Variants in GLDC observed in about 807,000 individuals in gnomAD.
GLDC encodes the protein glycine decarboxylase.
Under a neutral mutation model 121.3 loss-of-function variants are expected in GLDC, and 104 were observed. The ratio of observed to expected loss-of-function variants is 0.86; its 90% CI spans 0.73 to 1.01. GLDC has a LOEUF of 1.01. GLDC is among the 50% of genes least tolerant of loss of function. The pLI, the probability that GLDC is intolerant of heterozygous loss-of-function variation, is 0.00. For synonymous variants in GLDC, 546 were observed against 480.6 expected, an observed-to-expected ratio of 1.14 and a Z score of -1.78; for missense variants, 1,429 against 1,306.6, an observed-to-expected ratio of 1.09 and a Z score of -1.44.
rs186614630 is a variant in GLDC at position 6,594,892 on chromosome 9, T to C, written c.1261+122A>G. 1.5e-4 allele frequency: 111 copies of C among 733,720 alleles called. No homozygotes were observed. The African/African-American group carries it at 1.6e-3, about 11-fold the overall frequency. 45.5% of individuals were successfully genotyped at this position (733,720 alleles called of 1,614,324 possible). On this transcript the variant is annotated intron_variant, in intron 9 of 24. Transcript: ENST00000321612. ...AATAATCATGGATGTTGAAAGTATTTTTCCTCGTTTCTCACTTGACTTTTA... is the reference window on the plus strand; with the variant it reads ...AATAATCATGGATGTTGAAAGTATTCTTCCTCGTTTCTCACTTGACTTTTA...
At chr9:6,586,827 G>T (rs1385918216) in intron 15 of GLDC, among the ~76,000 whole-genome samples, 1 of 152,148 alleles carries the variant, frequency 6.6e-6, no homozygotes, top group Non-Finnish European at 1.5e-5. Flanking sequence ...GCTTCATCTG[G>T]GAACACGCAT....
chr9:6,591,173 C>T (rs1048905921), intron 11 of GLDC, among the ~76,000 whole-genome samples: 1 of 152,190 alleles, frequency 6.6e-6, no homozygotes, highest in Non-Finnish European at 1.5e-5. Flanking sequence ...CAACTCATTA[C>T]ACTGAACTGC....
intron 20 of GLDC, among the ~76,000 whole-genome samples, chr9:6,552,591 C>G (rs1226377777): frequency 6.6e-6 from 1 of 152,146 alleles, no homozygotes; most frequent in Non-Finnish European, 1.5e-5. Context: ...ACAGAGTCCT[C>G]TGGAATGATT....
chr9:6,605,459 C>A lies in GLDC; in HGVS notation c.714-181G>T. The A allele has an allele frequency of 1.2e-5, 8 of 660,962 alleles. 1 individual carries two copies. In the Admixed American group the frequency reaches 1.5e-4, roughly 12 times the overall value. The allele number at this position is 660,962 out of a possible 1,614,324, so 40.9% of individuals were successfully genotyped here. On this transcript the variant is annotated intron_variant, in intron 5 of 24. Transcript: ENST00000321612. The stretch of plus-strand genomic sequence containing the variant: ...TAACTACATCACAGCAACTCAAGCG[C>A]ATCCAACAGCTCTGCTTCTGTTCCT...
chr9:6,601,996 G>C, intron 8 of GLDC, 113 bp downstream of exon 8: 3 of 737,024 alleles, frequency 4.1e-6, no homozygotes, highest in South Asian at 1.4e-5. Context: ...GCCATTTCTG[G>C]TGTGCTCACT....
chr9:6,583,663 G>A (rs1818212792), intron 15 of GLDC, among the ~76,000 whole-genome samples: 1 of 152,130 alleles, frequency 6.6e-6, no homozygotes, highest in South Asian at 2.1e-4. Context: ...GCAAAAGAAT[G>A]AGACCCTGTC....
At position 6,539,624 on chromosome 9, in the gene GLDC, T is replaced by C. The variant is rs1443205347; in HGVS notation, c.2665+427A>G. ...TCTTTCAAAATGCTTCAAAGAAAGT[T>C]GCATTTTCTTTGTGAAAACTACTAC... is the stretch of plus-strand genomic sequence containing the variant. On this transcript the variant is annotated intron_variant, in intron 22 of 24. Coordinates refer to ENST00000321612, the MANE Select transcript of GLDC (RefSeq NM_000170.3). Among the ~76,000 whole-genome samples, 11 of 152,310 alleles carry C rather than the reference T, an allele frequency of 7.2e-5. No individual in the cohort carries two copies. The East Asian group carries it at 1.5e-3, about 21-fold the overall frequency.
chr9:6,615,548 C>T (rs1482232052), intron 3 of GLDC, among the ~76,000 whole-genome samples: 2 of 150,682 alleles, frequency 1.3e-5, no homozygotes, highest in African/African-American at 2.4e-5. Flanking sequence ...CACCACTGTA[C>T]GCTAGTCCAG....
intron 21 of GLDC, among the ~76,000 whole-genome samples, chr9:6,542,885 C>CAA (rs5896153): frequency 4.2e-3 from 256 of 60,888 alleles, no homozygotes; most frequent in Non-Finnish European, 4.7e-3. Flanking sequence ...GACCTTTTCT[C>CAA]AAAAAAAAAA....
intron 15 of GLDC, chr9:6,568,851 G>GA (rs948821640): frequency 2.0e-5 from 3 of 151,732 alleles, no homozygotes; most frequent in African/African-American, 2.4e-5. Context: ...TCCACCTCAA[G>GA]AAAAAAAAGA....
At chr9:6,558,743 A>G in intron 16 of GLDC, 59 bp from the exon 17 acceptor site, 8 of 1,570,820 alleles carry the variant, frequency 5.1e-6, no homozygotes, top group Non-Finnish European at 5.3e-6. Flanking sequence ...ATGAATAATG[A>G]CAGAAAAGTA....
At chr9:6,555,079 A>AGGGCCACAG in intron 18 of GLDC, 1 of 457,170 alleles carries the variant, frequency 2.2e-6, no homozygotes, top group Non-Finnish European at 4.1e-6. Flanking sequence ...ACACACCACA[A>AGGGCCACAG]AGGGAGAGAA....
At chr9:6,627,247 G>A (rs1397333155) in intron 2 of GLDC, among the ~76,000 whole-genome samples, 1 of 129,462 alleles carries the variant, frequency 7.7e-6, no homozygotes, top group Non-Finnish European at 1.5e-5. Context: ...AGTGAGCCGA[G>A]ATCACGCCAC....
rs1817621957 is a variant in GLDC at position 6,556,008 on chromosome 9, C to A, written c.2202+145G>T. 9 of 657,126 alleles carry A rather than the reference C, an allele frequency of 1.4e-5. No homozygotes were observed. In the East Asian group the frequency reaches 2.4e-4, roughly 18 times the overall value. The allele number at this position is 657,126 out of a possible 1,614,324, so 40.7% of individuals were successfully genotyped here. A position where few individuals can be genotyped will look rare whatever the true frequency, so the allele number is the denominator to read the frequency against. On this transcript the variant is annotated intron_variant, in intron 18 of 24. Transcript: ENST00000321612. Reference sequence around the variant, plus strand: ...GCCAGGATAAGTGGCTTTCCAAGGCCATGAGAGATCAACAACCACCAGTGG... The same window carrying A: ...GCCAGGATAAGTGGCTTTCCAAGGCAATGAGAGATCAACAACCACCAGTGG...
At chr9:6,624,199 C>G (rs191850331) in intron 2 of GLDC, among the ~76,000 whole-genome samples, 1 of 152,282 alleles carries the variant, frequency 6.6e-6, no homozygotes, top group East Asian at 1.9e-4. Context: ...AGGAGTGTTA[C>G]AAGTTGAATT....
chr9:6,601,325 T>A (rs1818605991), intron 8 of GLDC, among the ~76,000 whole-genome samples: 1 of 152,074 alleles, frequency 6.6e-6, no homozygotes, highest in South Asian at 2.1e-4. Flanking sequence ...TAAGAGAGGG[T>A]GTCTCAACTG....
At chr9:6,553,595 T>A (rs1487583451) in intron 19 of GLDC, 86 bp from the exon 20 acceptor site, 5 of 1,353,980 alleles carry the variant, frequency 3.7e-6, no homozygotes, top group Non-Finnish European at 5.3e-6. Context: ...CCAGAAAGCC[T>A]TGTTCTTAGC....
chr9:6,535,006 T>A (rs1817092916), intron 23 of GLDC, among the ~76,000 whole-genome samples: 1 of 152,200 alleles, frequency 6.6e-6, no homozygotes, highest in South Asian at 2.1e-4. Flanking sequence ...CAGTAAAGTC[T>A]AATGAGCATT....
rs574000488 is a variant in GLDC at position 6,565,498 on chromosome 9, T to C, written c.1851-69A>G. ...CTTTCATTTACTCATTCAATATTTA[T>C]TGGGCCCTGGCCAGGGGTTCACCAG... is the stretch of plus-strand genomic sequence containing the variant. On this transcript the variant is annotated intron_variant, in intron 15 of 24. Transcript: ENST00000321612. 3.2e-5 allele frequency: 40 copies of C among 1,241,952 alleles called. No individual in the cohort carries two copies. The South Asian group carries it at 4.2e-4, about 13-fold the overall frequency. 76.9% of individuals were successfully genotyped at this position (1,241,952 alleles called of 1,614,324 possible). A position where few individuals can be genotyped will look rare whatever the true frequency, so the allele number is the denominator to read the frequency against.
Sources: gnomAD v4.1 joint callset for allele counts (sites outside exome capture counted in the v4.1 genomes callset) on GRCh38, gnomAD v4.1.1 for gene constraint, MANE v1.5 for transcripts, NCBI Gene and HGNC (gene_info 2026-07-23, HGNC 2026-07-21) for gene names.